Variants in EDIL3 observed in about 807,000 individuals in gnomAD.
The protein encoded by EDIL3 is EGF-like repeat and discoidin I-like domain-containing protein 3.
Under a neutral mutation model 67.4 loss-of-function variants are expected in EDIL3, and 37 were observed. The observed-to-expected ratio is 0.55, with a 90% CI of 0.42 to 0.72. The LOEUF (loss-of-function observed/expected upper bound fraction) is 0.72, where lower values mean the gene tolerates loss of function less well. Among genes scored for constraint, EDIL3 ranks in the 30% least tolerant of loss-of-function variants. The pLI, the probability that EDIL3 is intolerant of heterozygous loss-of-function variation, is 0.00. For synonymous variants in EDIL3, 195 were observed against 196.3 expected (o/e 0.99, Z 0.05); for missense variants, 527 against 586.3 (o/e 0.90, Z 1.04).
intron 6 of EDIL3, among the ~76,000 whole-genome samples, chr5:84,091,295 C>A (rs758199874): frequency 3.3e-5 from 5 of 152,214 alleles, no homozygotes; most frequent in Admixed American, 6.5e-5. Flanking sequence ...ACAGTCAATA[C>A]ATGCAGAGCA....
chr5:83,984,538 G>C (rs767765818), intron 9 of EDIL3, among the ~76,000 whole-genome samples: 3 of 152,054 alleles, frequency 2.0e-5, no homozygotes, highest in African/African-American at 7.2e-5. Flanking sequence ...AGCTACATAC[G>C]GTGACAAAGA....
intron 3 of EDIL3, among the ~76,000 whole-genome samples, chr5:84,208,308 C>T (rs934908042): frequency 1.3e-5 from 2 of 152,168 alleles, no homozygotes; most frequent in Admixed American, 6.5e-5. Flanking sequence ...TGCTCATCAT[C>T]CCTGGCCATC....
intron 1 of EDIL3, among the ~76,000 whole-genome samples, chr5:84,263,918 AG>A (rs2112087876): frequency 6.6e-6 from 1 of 152,326 alleles, no homozygotes; most frequent in South Asian, 2.1e-4. Flanking sequence ...AAGATGTACC[AG>A]GAAGTTTGAG....
intron 5 of EDIL3, among the ~76,000 whole-genome samples, chr5:84,131,298 G>C (rs956790723): frequency 2.0e-5 from 3 of 152,148 alleles, no homozygotes; most frequent in African/African-American, 7.2e-5. Context: ...CTGAGGCTCA[G>C]AAGGGGCAAT....
chr5:84,022,091 C>G (rs758764604), intron 9 of EDIL3, among the ~76,000 whole-genome samples: 1 of 151,752 alleles, frequency 6.6e-6, no homozygotes, highest in Non-Finnish European at 1.5e-5. Context: ...GATACCAAAA[C>G]CAAACAAGGG....
intron 10 of EDIL3, among the ~76,000 whole-genome samples, chr5:83,951,073 CT>C (rs1327681720): frequency 6.6e-6 from 1 of 151,676 alleles, no homozygotes; most frequent in Non-Finnish European, 1.5e-5. Context: ...ATGAAACTAC[CT>C]GAGGCTTTCA....
chr5:83,985,402 T>C (rs1038026108), intron 9 of EDIL3, among the ~76,000 whole-genome samples: 4 of 152,140 alleles, frequency 2.6e-5, no homozygotes, highest in African/African-American at 9.6e-5. Context: ...TCTTTGCTCT[T>C]GCTTATAAAT....
chr5:84,074,740 C>T (rs1746817915), intron 6 of EDIL3, among the ~76,000 whole-genome samples: 1 of 152,074 alleles, frequency 6.6e-6, no homozygotes, highest in African/African-American at 2.4e-5. Context: ...AACACTTTTA[C>T]ACTGTTGGTG....
chr5:84,067,601 A>G (rs1746667533), intron 6 of EDIL3, among the ~76,000 whole-genome samples: 1 of 152,202 alleles, frequency 6.6e-6, no homozygotes, highest in African/African-American at 2.4e-5. Context: ...TTTTCCAAAG[A>G]AAATCAGAAA....
chr5:84,289,520 A>T (rs1390177500), intron 1 of EDIL3, among the ~76,000 whole-genome samples: 2 of 151,458 alleles, frequency 1.3e-5, no homozygotes, highest in African/African-American at 4.9e-5. Flanking sequence ...CTCCCTTATG[A>T]CTCCTTCAGT....
chr5:84,044,153 C>T (rs545516990), intron 9 of EDIL3, among the ~76,000 whole-genome samples: 13 of 151,934 alleles, frequency 8.6e-5, no homozygotes, highest in African/African-American at 1.9e-4. Flanking sequence ...TGAGAATATG[C>T]GGTGTTTGGT....
At chr5:84,199,959 G>A (rs943751383) in intron 3 of EDIL3, among the ~76,000 whole-genome samples, 8 of 152,022 alleles carry the variant, frequency 5.3e-5, no homozygotes, top group Non-Finnish European at 1.0e-4. Flanking sequence ...AATGACTGAG[G>A]AAAAGAAGCC....
chr5:84,290,725 A>C (rs1745897705), intron 1 of EDIL3, among the ~76,000 whole-genome samples: 1 of 152,194 alleles, frequency 6.6e-6, no homozygotes, highest in Non-Finnish European at 1.5e-5. Flanking sequence ...AACCTAATGT[A>C]TAAACATCTG....
At chr5:84,376,082 C>A (rs1747960063) in intron 1 of EDIL3, among the ~76,000 whole-genome samples, 1 of 152,128 alleles carries the variant, frequency 6.6e-6, no homozygotes, top group African/African-American at 2.4e-5. Context: ...AGAGGACAAG[C>A]TCTAGATCCT....
At chr5:84,316,671 A>G (rs1213326971) in intron 1 of EDIL3, among the ~76,000 whole-genome samples, 2 of 152,164 alleles carry the variant, frequency 1.3e-5, no homozygotes, top group Non-Finnish European at 2.9e-5. Flanking sequence ...GGAGACTTTA[A>G]GACCCCACTG....
At chr5:84,348,621 A>G (rs1325740109) in intron 1 of EDIL3, among the ~76,000 whole-genome samples, 1 of 151,898 alleles carries the variant, frequency 6.6e-6, no homozygotes, top group Admixed American at 6.6e-5. Context: ...CCTGTTCGAA[A>G]ATAAATAACC....
intron 1 of EDIL3, among the ~76,000 whole-genome samples, chr5:84,262,659 GTTTTTTTTTTTTTTTTTTT>G (rs773035274): frequency 2.2e-5 from 1 of 46,310 alleles, no homozygotes. Context: ...AGGTTGGTTG[GTTTTTTTTTTTTTTTTTTT>G]TTTTTTTTTT....
intron 9 of EDIL3, among the ~76,000 whole-genome samples, chr5:83,971,515 C>T (rs1047869305): frequency 7.2e-5 from 11 of 151,870 alleles, no homozygotes; most frequent in Admixed American, 5.3e-4. Context: ...CAATCCTCCA[C>T]CCTTAGCCTC....
intron 4 of EDIL3, among the ~76,000 whole-genome samples, chr5:84,149,794 A>G (rs924058380): frequency 6.6e-6 from 1 of 152,156 alleles, no homozygotes; most frequent in African/African-American, 2.4e-5. Context: ...ACTTCCAGAG[A>G]TGAAACTAAC....
Sources: gnomAD v4.1 joint callset for allele counts (sites outside exome capture counted in the v4.1 genomes callset) on GRCh38, gnomAD v4.1.1 for gene constraint, MANE v1.5 for transcripts, NCBI Gene and HGNC (gene_info 2026-07-23, HGNC 2026-07-21) for gene names.